The following TGDS variants were observed in gnomAD, a reference collection of about 807,000 sequenced individuals.
TGDS encodes TDP-glucose 4,6-dehydratase, also known as UDP-D-glucose 4,6-dehydratase.
Under a neutral mutation model 52.3 loss-of-function variants are expected in TGDS, and 47 were observed. The observed-to-expected ratio is 0.90, with a 90% confidence interval of 0.71 to 1.15. TGDS has a LOEUF of 1.15. Among genes scored for constraint, TGDS ranks in the 50% most tolerant of loss-of-function variants. TGDS has a pLI of 0.00. For missense variants in TGDS, 375 were observed against 418.4 expected, an observed-to-expected ratio of 0.90 and a Z score of 0.90; for synonymous variants, 115 against 136.9, an observed-to-expected ratio of 0.84 and a Z score of 1.12.
chr13:94,588,728 A>G (rs1331376849), intron 4 of TGDS, among the ~76,000 whole-genome samples: 1 of 152,226 alleles, frequency 6.6e-6, no homozygotes, highest in East Asian at 1.9e-4. Context: ...AATTGCTGGT[A>G]GAAGTGCACA....
chr13:94,583,052 G>A (rs780053532), intron 5 of TGDS, 42 bp downstream of exon 5: 1 of 1,598,142 alleles, frequency 6.3e-7, no homozygotes, highest in Admixed American at 1.7e-5. Flanking sequence ...CTGTATCATG[G>A]TACATGGTTA....
intron 6 of TGDS, among the ~76,000 whole-genome samples, 165 bp downstream of exon 6, chr13:94,580,926 G>T (rs958321507): frequency 6.6e-6 from 1 of 152,116 alleles, no homozygotes; most frequent in Admixed American, 6.5e-5. Context: ...ATCACTTGAG[G>T]TCAGGAGTTC....
intron 3 of TGDS, 113 bp from the exon 4 acceptor site, chr13:94,591,056 C>T: frequency 1.4e-6 from 1 of 691,920 alleles, no homozygotes; most frequent in Non-Finnish European, 2.4e-6. Context: ...ATAGAGAATG[C>T]CTTGAAAATT....
chr13:94,591,148 T>G (rs1349821296), intron 3 of TGDS, among the ~76,000 whole-genome samples: 1 of 152,242 alleles, frequency 6.6e-6, no homozygotes, highest in Non-Finnish European at 1.5e-5. Flanking sequence ...AAACTATTTT[T>G]CCAAATAATA....
chr13:94,579,996 T>C (rs1435821109), intron 6 of TGDS, 43 bp from the exon 7 acceptor site: 2 of 1,260,032 alleles, frequency 1.6e-6, no homozygotes, highest in African/African-American at 1.5e-5. Context: ...AAAGGTCTAA[T>C]AATAATGATT....
chr13:94,584,553 C>A (rs1021823593), intron 4 of TGDS, among the ~76,000 whole-genome samples: 46 of 152,186 alleles, frequency 3.0e-4, no homozygotes, highest in African/African-American at 1.1e-3. Flanking sequence ...AAATAATATT[C>A]CCTAGTTTTG....
chr13:94,574,981 A>G, intron 11 of TGDS, 129 bp from the exon 12 acceptor site: 1 of 531,792 alleles, frequency 1.9e-6, no homozygotes, highest in South Asian at 2.9e-5. Context: ...ACAAGGGCTG[A>G]CTAATGATGT....
intron 5 of TGDS, among the ~76,000 whole-genome samples, chr13:94,581,647 C>A (rs1888798565): frequency 6.6e-6 from 1 of 152,076 alleles, no homozygotes; most frequent in African/African-American, 2.4e-5. Flanking sequence ...ATAAAAATTG[C>A]AGAGAATTGA....
chr13:94,576,257 T>C lies in TGDS; in HGVS notation c.982+57A>G, dbSNP rs947396181. 3.8e-5 allele frequency: 46 copies of C among 1,217,112 alleles called. No individual in the cohort carries two copies. In the African/African-American group the frequency reaches 6.6e-4, roughly 18 times the overall value. 75.4% of individuals were successfully genotyped at this position (1,217,112 alleles called of 1,614,324 possible). A position where few individuals can be genotyped will look rare whatever the true frequency, so the allele number is the denominator to read the frequency against. ...GTTTGTATAATGTTCTGGAAATAAG[T>C]TATTTTTCCTTTAAATTTTTCTGAC... On this transcript the variant is annotated intron_variant, in intron 11 of 11. Coordinates refer to ENST00000261296, the MANE Select transcript of TGDS (RefSeq NM_014305.4).
chr13:94,588,567 G>A (rs1470611963), intron 4 of TGDS, among the ~76,000 whole-genome samples: 1 of 151,876 alleles, frequency 6.6e-6, no homozygotes, highest in Non-Finnish European at 1.5e-5. Context: ...AATAGGAAAT[G>A]GTCACGAAAC....
chr13:94,581,102 C>T lies in TGDS; in HGVS notation c.544G>A (p.Glu182Lys), dbSNP rs1419957473. 2.6e-6 allele frequency: 4 copies of T among 1,544,262 alleles called. No homozygotes were observed. Among genetic ancestry groups the T allele is most frequent in the Middle Eastern group, 1.7e-4 (1 of 5,798 alleles). ...CAATCAGTTCTTACCTTATATTGTT[C>T]CCAGTAAGACTGTACAAAACATTCA... ...AAECFVQSYW[E>K]QYKFPVVITR... Residue 182 changes from glutamate to lysine, a missense_variant, in exon 6 of 12, where the codon GAA becomes AAA. Transcript: ENST00000261296.
At chr13:94,584,169 T>C (rs894689042) in intron 4 of TGDS, among the ~76,000 whole-genome samples, 1 of 152,236 alleles carries the variant, frequency 6.6e-6, no homozygotes, top group African/African-American at 2.4e-5. Flanking sequence ...GGCATTTCCC[T>C]CTAACCCAGA....
intron 2 of TGDS, 135 bp downstream of exon 2, chr13:94,593,706 C>A (rs1363469405): frequency 9.4e-6 from 6 of 639,898 alleles, no homozygotes; most frequent in Non-Finnish European, 2.7e-6. Flanking sequence ...GAGCACATTA[C>A]TATACAGAGC....
At position 94,596,130 on chromosome 13, in the gene TGDS, CCGA is replaced by C. The variant is rs776544361; in HGVS notation, c.4_6del (p.Ser2del). Reference sequence around the variant, plus strand: ...CCCCACGGTTCCTCCCAACACGCCGCCGACATCTCCCAGCTCAGCAGTGCCTAG... The same window carrying C: ...CCCCACGGTTCCTCCCAACACGCCGCCATCTCCCAGCTCAGCAGTGCCTAG... On this transcript the variant is annotated inframe_deletion, in exon 1 of 12. Transcript: ENST00000261296. The C allele has an allele frequency of 1.9e-6, 3 of 1,614,074 alleles. No individual in the cohort carries two copies. Among genetic ancestry groups the C allele is most frequent in the South Asian group, 1.1e-5 (1 of 91,066 alleles).
rs1888658129 is a variant in TGDS, at chr13:94,577,991, A to T, written c.825+14T>A. ...CAATTTTGAAAATACCAACCTTTTAAAACAGATACATACCAGTTGTATTAG... is the reference window on the plus strand; with the variant it reads ...CAATTTTGAAAATACCAACCTTTTATAACAGATACATACCAGTTGTATTAG... On this transcript the variant is annotated intron_variant, in intron 9 of 11. Transcript: ENST00000261296. The T allele has an allele frequency of 6.2e-7, 1 of 1,607,924 alleles. No homozygotes were observed.
intron 5 of TGDS, among the ~76,000 whole-genome samples, chr13:94,582,196 T>C (rs1354915698): frequency 7.7e-6 from 1 of 129,194 alleles, no homozygotes; most frequent in Admixed American, 9.3e-5. Context: ...GAAACTCCCA[T>C]CTCAAAAAAA....
chr13:94,595,022 C>A (rs1183520075), intron 1 of TGDS, among the ~76,000 whole-genome samples: 2 of 152,122 alleles, frequency 1.3e-5, no homozygotes, highest in African/African-American at 4.8e-5. Context: ...AAGCAATAAA[C>A]AAGCAGACAC....
chr13:94,595,372 T>C (rs7997035), intron 1 of TGDS, among the ~76,000 whole-genome samples: 102,281 of 152,016 alleles, frequency 0.67, 34,714 homozygotes, highest in African/African-American at 0.74. Flanking sequence ...AAATCCTGCT[T>C]CTACCATGAT....
In TGDS at chr13:94,580,062, C is replaced by T. The variant is rs1399689729; in HGVS notation, c.556-109G>A. 4 of 672,830 alleles carry T rather than the reference C, an allele frequency of 5.9e-6. No individual in the cohort carries two copies. In the East Asian group the frequency reaches 8.5e-5, roughly 14 times the overall value. 41.7% of individuals were successfully genotyped at this position (672,830 alleles called of 1,614,324 possible). Reference sequence around the variant, plus strand: ...GGGCACCTTTGCCTAAATAATTCCACACACCTTAAGGTCAAAGGGAAGAGA... The same window carrying T: ...GGGCACCTTTGCCTAAATAATTCCATACACCTTAAGGTCAAAGGGAAGAGA... On this transcript the variant is annotated intron_variant, in intron 6 of 11. Coordinates refer to ENST00000261296, the MANE Select transcript of TGDS (RefSeq NM_014305.4).
Sources: allele counts gnomAD v4.1 joint callset (sites outside exome capture counted in the v4.1 genomes callset), GRCh38; gene constraint gnomAD v4.1.1; transcripts MANE v1.5; gene names NCBI Gene and HGNC (gene_info 2026-07-23, HGNC 2026-07-21).